Variants in ZNF343 observed in about 807,000 individuals in gnomAD.
The protein encoded by ZNF343 is zinc finger protein 343.
In ZNF343, 11 loss-of-function variants were observed where a neutral mutation model predicts 13.8. The observed-to-expected ratio is 0.80, with a 90% CI of 0.50 to 1.32. ZNF343 has a LOEUF of 1.32. ZNF343 is among the 40% of genes most tolerant of loss of function. The pLI, the probability that ZNF343 is intolerant of heterozygous loss-of-function variation, is 0.00. For missense variants in ZNF343, 658 were observed against 714.2 expected (o/e 0.92, Z 0.90); for synonymous variants, 248 against 260.0 (o/e 0.95, Z 0.44).
intron 5 of ZNF343, among the ~76,000 whole-genome samples, chr20:2,485,504 C>A (rs1209658657): frequency 6.6e-6 from 1 of 152,222 alleles, no homozygotes; most frequent in Non-Finnish European, 1.5e-5. Context: ...ACACTGGAAT[C>A]TTTATAATCA....
chr20:2,524,966 G>T (rs896452523), upstream of ZNF343, among the ~76,000 whole-genome samples: 1 of 152,208 alleles, frequency 6.6e-6, no homozygotes, highest in South Asian at 2.1e-4. Flanking sequence ...CCCCTCTCCG[G>T]AGTCGAATGG....
rs958531888 is a variant in ZNF343, at chr20:2,508,459, T to C, written c.-237+422A>G. On this transcript the variant is annotated intron_variant, in intron 1 of 5. Transcript: ENST00000278772. This position sits in a 1 kb window ranked among gnomAD's most constrained non-coding sequence, Gnocchi z 4.5. ...AAAACCACCCAGGGATGTGCGGACC[T>C]AGCCACGTCCCCACCCCAGCCGCGG... is the stretch of plus-strand genomic sequence containing the variant. Among the ~76,000 whole-genome samples the C allele has an allele frequency of 6.6e-6, 1 of 152,046 alleles. No homozygotes were observed. Among genetic ancestry groups the C allele is most frequent in the Admixed American group, 6.5e-5 (1 of 15,276 alleles).
chr20:2,516,948 C>T (rs1231161249), intron 1 of ZNF343, among the ~76,000 whole-genome samples: 1 of 152,068 alleles, frequency 6.6e-6, no homozygotes, highest in East Asian at 1.9e-4. Context: ...CTGTCACGGT[C>T]ATTACTTTTT....
chr20:2,484,800 C>T, intron 5 of ZNF343, 144 bp from the exon 6 acceptor site: 1 of 699,456 alleles, frequency 1.4e-6, no homozygotes, highest in Non-Finnish European at 2.2e-6. Flanking sequence ...AACAATGATT[C>T]CTTTACATTC....
rs144068245 is a variant in ZNF343, at chr20:2,515,251, T to C, written c.-347+9204A>G. On this transcript the variant is annotated intron_variant, in intron 1 of 6. Transcript: ENST00000358413. ...AAAGACACCTTCGTCTTATTATTTG[T>C]CAGAGCTATTTATGATATTTGTGAA... Among the ~76,000 whole-genome samples the C allele has an allele frequency of 5.6e-3, 852 of 152,330 alleles. 8 individuals carry two copies. Among genetic ancestry groups the C allele is most frequent in the African/African-American group, 0.02 (820 of 41,560 alleles).
At chr20:2,519,724 T>C (rs2085774558) in intron 1 of ZNF343, among the ~76,000 whole-genome samples, 1 of 149,554 alleles carries the variant, frequency 6.7e-6, no homozygotes, top group African/African-American at 2.6e-5. Flanking sequence ...AAATATGCTC[T>C]AACACACAAT....
At chr20:2,523,435 T>A (rs58066118) in intron 1 of ZNF343, among the ~76,000 whole-genome samples, 1 of 152,118 alleles carries the variant, frequency 6.6e-6, no homozygotes, top group Non-Finnish European at 1.5e-5. Flanking sequence ...CTTTATGGAC[T>A]CGCAGGGAAT....
chr20:2,511,974 A>C (rs2085741035), upstream of ZNF343, among the ~76,000 whole-genome samples: 1 of 152,266 alleles, frequency 6.6e-6, no homozygotes, highest in Non-Finnish European at 1.5e-5. Context: ...AAGTAAAACT[A>C]TCTCTATTCA....
intron 2 of ZNF343, among the ~76,000 whole-genome samples, chr20:2,500,287 T>C (rs575305282): frequency 6.6e-6 from 1 of 152,364 alleles, no homozygotes; most frequent in South Asian, 2.1e-4. Context: ...TTTCAAATTG[T>C]TGAGAGTTTA....
chr20:2,522,342 T>C (rs2122766354), intron 1 of ZNF343, among the ~76,000 whole-genome samples: 1 of 152,306 alleles, frequency 6.6e-6, no homozygotes, highest in African/African-American at 2.4e-5. Context: ...GGGGAATGTC[T>C]GATTCTTAGC....
rs2085215444 is a variant in ZNF343 at position 2,483,578 on chromosome 20, TCCAGAGTG to T, written c.1375_1382del (p.His459ArgfsTer8). On this transcript the variant is annotated frameshift_variant, in exon 6 of 6. Coordinates refer to ENST00000278772, the MANE Select transcript of ZNF343 (RefSeq NM_024325.6). LOFTEE classifies it low-confidence loss of function (END_TRUNC). ...ACTCACCACACACATAAGGCTTCTC[TCCAGAGTG>T]CGTCCGCTCGTGTATGATGAGGGTT... 6.8e-6 allele frequency: 11 copies of T among 1,607,182 alleles called. No homozygotes were observed. The highest frequency in any genetic ancestry group is 9.3e-6 in the Non-Finnish European group (11 of 1,178,254).
rs1568491316 is a variant in ZNF343 at position 2,508,641 on chromosome 20, T to C, written c.-237+240A>G. Among the ~76,000 whole-genome samples, 1 of 151,812 alleles carries C rather than the reference T, an allele frequency of 6.6e-6. No homozygotes were observed. The highest frequency in any genetic ancestry group is 2.4e-5 in the African/African-American group (1 of 41,310). ...GCATTAGAGTTCTAGGTCACTCTCGTCCCCCCGGGGGGAAAAAAGGTCCGC... is the reference window on the plus strand; with the variant it reads ...GCATTAGAGTTCTAGGTCACTCTCGCCCCCCCGGGGGGAAAAAAGGTCCGC... On this transcript the variant is annotated intron_variant, in intron 1 of 5. Coordinates refer to ENST00000278772, the MANE Select transcript of ZNF343 (RefSeq NM_024325.6). The surrounding 1 kb of genome is among the most constrained non-coding windows in gnomAD (Gnocchi z 4.5).
intron 1 of ZNF343, among the ~76,000 whole-genome samples, chr20:2,521,773 C>T (rs2085783373): frequency 6.6e-6 from 1 of 152,164 alleles, no homozygotes; most frequent in Non-Finnish European, 1.5e-5. Flanking sequence ...GGGGTCTTAG[C>T]CTCTGAAGCT....
intron 2 of ZNF343, among the ~76,000 whole-genome samples, chr20:2,499,567 A>G (rs944981371): frequency 1.3e-5 from 2 of 151,520 alleles, no homozygotes; most frequent in African/African-American, 2.4e-5. Context: ...CTTAAAAGGC[A>G]GGGTGGAAGG....
chr20:2,488,497 TTTTC>T (rs1403415898), intron 5 of ZNF343, among the ~76,000 whole-genome samples: 8 of 152,112 alleles, frequency 5.3e-5, no homozygotes, highest in African/African-American at 1.9e-4. Flanking sequence ...CACCACAATG[TTTTC>T]TTTCTTTATT....
chr20:2,496,713 T>C (rs2085465019), intron 2 of ZNF343, among the ~76,000 whole-genome samples: 1 of 152,036 alleles, frequency 6.6e-6, no homozygotes, highest in South Asian at 2.1e-4. Flanking sequence ...ATTTCCTTAT[T>C]GTATGTCAGT....
chr20:2,503,981 GA>G (rs1190540990), intron 1 of ZNF343, among the ~76,000 whole-genome samples: 1 of 152,138 alleles, frequency 6.6e-6, no homozygotes, highest in African/African-American at 2.4e-5. Flanking sequence ...GACGGAAATA[GA>G]GACACAAAAA....
At chr20:2,490,495 GTGTT>G (rs371589130) in intron 5 of ZNF343, among the ~76,000 whole-genome samples, 92 of 151,650 alleles carry the variant, frequency 6.1e-4, no homozygotes, top group African/African-American at 2.1e-3. Context: ...GTTTGTGTGT[GTGTT>G]TGTTTGTTTG....
chr20:2,506,691 A>G (rs2085663291), intron 1 of ZNF343, among the ~76,000 whole-genome samples: 2 of 152,202 alleles, frequency 1.3e-5, no homozygotes. Flanking sequence ...AAACTATCAC[A>G]AGGACAAAAA....
Sources: allele counts gnomAD v4.1 joint callset (sites outside exome capture counted in the v4.1 genomes callset), GRCh38; gene constraint gnomAD v4.1.1; non-coding constraint Gnocchi (gnomAD v3.1); transcripts MANE v1.5; gene names NCBI Gene and HGNC (gene_info 2026-07-23, HGNC 2026-07-21).